STXBP4: variants seen among roughly 807,000 people sequenced by gnomAD.
STXBP4 encodes the protein syntaxin-binding protein 4.
Under a neutral mutation model 76.1 loss-of-function variants are expected in STXBP4, and 55 were observed. That is an observed-to-expected ratio of 0.72 (90% confidence interval 0.58 to 0.91). The LOEUF is 0.91. STXBP4 is among the 40% of genes least tolerant of loss of function. The pLI is 0.00. For synonymous variants in STXBP4, 201 were observed against 220.2 expected (o/e 0.91, Z 0.77); for missense variants, 618 against 636.9 (o/e 0.97, Z 0.32).
At chr17:55,062,002 A>G (rs370629460) in intron 12 of STXBP4, among the ~76,000 whole-genome samples, 1 of 152,158 alleles carries the variant, frequency 6.6e-6, no homozygotes, top group African/African-American at 2.4e-5. Flanking sequence ...TAGGAGGCCA[A>G]AGTGGGAGGA....
chr17:55,062,268 T>C (rs2079003472), intron 12 of STXBP4, among the ~76,000 whole-genome samples: 1 of 152,094 alleles, frequency 6.6e-6, no homozygotes, highest in Admixed American at 6.5e-5. Flanking sequence ...GGCCCCAGTG[T>C]GTGATGATCC....
At chr17:55,091,379 A>T (rs1465671004) in intron 16 of STXBP4, among the ~76,000 whole-genome samples, 1 of 152,218 alleles carries the variant, frequency 6.6e-6, no homozygotes, top group Non-Finnish European at 1.5e-5. Context: ...AAAGATGTGT[A>T]TAAGTATATA....
intron 16 of STXBP4, among the ~76,000 whole-genome samples, chr17:55,104,011 TGAG>T (rs1199096386): frequency 6.6e-6 from 1 of 152,208 alleles, no homozygotes; most frequent in African/African-American, 2.4e-5. Flanking sequence ...CTTATCAGCT[TGAG>T]GAGATTTTTT....
At chr17:55,059,372 A>G (rs535712625) in intron 12 of STXBP4, among the ~76,000 whole-genome samples, 13 of 152,312 alleles carry the variant, frequency 8.5e-5, no homozygotes, top group Middle Eastern at 3.4e-3. Flanking sequence ...TGTGCCTGAC[A>G]CAGACATTAC....
the STXBP4 span, among the ~76,000 whole-genome samples, chr17:55,194,174 C>A: frequency 6.6e-6 from 1 of 152,134 alleles, no homozygotes; most frequent in African/African-American, 2.4e-5. Context: ...AGAAAAAGGT[C>A]ATACAACTTG....
chr17:55,190,659 G>A, the STXBP4 span, among the ~76,000 whole-genome samples: 53 of 152,252 alleles, frequency 3.5e-4, no homozygotes, highest in East Asian at 7.1e-3. Flanking sequence ...ATCTGCTCCC[G>A]AGGGAGATAA....
chr17:55,193,194 A>C, the STXBP4 span, among the ~76,000 whole-genome samples: 1 of 152,190 alleles, frequency 6.6e-6, no homozygotes, highest in Non-Finnish European at 1.5e-5. Context: ...ATTGCTGAGC[A>C]GGAAGTGAGC....
rs1056621641 is a variant in STXBP4, at chr17:55,106,155, A to G, written c.1489+24972A>G. Among the ~76,000 whole-genome samples, 3 of 152,224 alleles carry G rather than the reference A, an allele frequency of 2.0e-5. No individual in the cohort carries two copies. The East Asian group carries it at 5.8e-4, about 29-fold the overall frequency. ...CTGGGTGCTCCTGTATTGGGTGCAT[A>G]TATATTTAGGATAGTTAGCTCTTCT... On this transcript the variant is annotated intron_variant, in intron 16 of 17. Coordinates refer to ENST00000376352, the MANE Select transcript of STXBP4 (RefSeq NM_178509.6).
intron 7 of STXBP4, among the ~76,000 whole-genome samples, chr17:55,004,309 A>T (rs1321450010): frequency 6.6e-6 from 1 of 152,204 alleles, no homozygotes; most frequent in Non-Finnish European, 1.5e-5. Context: ...TATGGGGAAA[A>T]ATATCCATTC....
intron 16 of STXBP4, among the ~76,000 whole-genome samples, chr17:55,103,143 C>A (rs1408805731): frequency 6.6e-6 from 1 of 152,090 alleles, no homozygotes; most frequent in African/African-American, 2.4e-5. Flanking sequence ...AATTAGATTC[C>A]ATTTGTCAAT....
intron 16 of STXBP4, among the ~76,000 whole-genome samples, chr17:55,097,870 A>AT (rs1042613764): frequency 2.6e-5 from 4 of 151,946 alleles, no homozygotes; most frequent in East Asian, 1.9e-4. Context: ...GCTGAGTCTC[A>AT]TTTTTTTTCA....
At chr17:54,973,249 A>G (rs1191739346) in intron 1 of STXBP4, among the ~76,000 whole-genome samples, 4 of 152,054 alleles carry the variant, frequency 2.6e-5, no homozygotes, top group African/African-American at 7.2e-5. Flanking sequence ...ATTTTTTCTG[A>G]CTCCTTACAA....
chr17:55,199,082 G>A, the STXBP4 span, among the ~76,000 whole-genome samples: 1 of 152,250 alleles, frequency 6.6e-6, no homozygotes. Flanking sequence ...TGATAGATCA[G>A]AGCATGGCAT....
the STXBP4 span, among the ~76,000 whole-genome samples, chr17:55,210,492 T>C: frequency 1.3e-5 from 2 of 152,240 alleles, no homozygotes; most frequent in African/African-American, 2.4e-5. Context: ...CTGAGAGGCC[T>C]GTATTACTTC....
At chr17:55,003,304 A>C (rs1048798578) in intron 7 of STXBP4, among the ~76,000 whole-genome samples, 1 of 152,232 alleles carries the variant, frequency 6.6e-6, no homozygotes, top group Non-Finnish European at 1.5e-5. Context: ...ATTTTGTAAT[A>C]GAAAAATAGG....
chr17:55,146,737 A>G lies in STXBP4; in HGVS notation c.1547+5370A>G, dbSNP rs909934808. On this transcript the variant is annotated intron_variant, in intron 17 of 17. Coordinates refer to ENST00000376352, the MANE Select transcript of STXBP4 (RefSeq NM_178509.6). ...GTCTCAAAAAAAAAGAAAAAAAAAA[A>G]AGAGTGGCTTAGTGAGCTGGCTGGA... Among the ~76,000 whole-genome samples, 1,512 of 152,126 alleles carry G rather than the reference A, an allele frequency of 9.9e-3. 22 individuals are homozygous for G. The highest frequency in any genetic ancestry group is 0.034 in the African/African-American group (1,409 of 41,496).
chr17:55,128,175 A>G (rs919324383), intron 16 of STXBP4, among the ~76,000 whole-genome samples: 1 of 152,188 alleles, frequency 6.6e-6, no homozygotes, highest in Non-Finnish European at 1.5e-5. Context: ...CAGTCAACAG[A>G]TAGTTCTTGA....
chr17:55,078,745 T>G lies in STXBP4; in HGVS notation c.1355+10T>G. On this transcript the variant is annotated intron_variant, in intron 15 of 17. Coordinates refer to ENST00000376352, the MANE Select transcript of STXBP4 (RefSeq NM_178509.6). ...CTTTATCAAATTTAAGGTAAGAAAA[T>G]TTAAGTGCTTTTTGCAGAATATGGG... 2.1e-6 allele frequency: 3 copies of G among 1,445,276 alleles called. No homozygotes were observed. The highest frequency in any genetic ancestry group is 2.9e-6 in the Non-Finnish European group (3 of 1,029,480). The allele number at this position is 1,445,276 out of a possible 1,614,324, so 89.5% of individuals were successfully genotyped here. A position where few individuals can be genotyped will look rare whatever the true frequency, so the allele number is the denominator to read the frequency against.
At chr17:55,016,420 T>C (rs2078208768) in intron 8 of STXBP4, among the ~76,000 whole-genome samples, 1 of 152,190 alleles carries the variant, frequency 6.6e-6, no homozygotes. Flanking sequence ...TCAAGATGCA[T>C]TCCCATAAAT....
Sources: allele counts gnomAD v4.1 joint callset (sites outside exome capture counted in the v4.1 genomes callset), GRCh38; gene constraint gnomAD v4.1.1; transcripts MANE v1.5; gene names NCBI Gene and HGNC (gene_info 2026-07-23, HGNC 2026-07-21).